Variants in RPS6KA6 observed in about 807,000 individuals in gnomAD.
RPS6KA6 encodes the protein ribosomal protein S6 kinase alpha-6.
A neutral mutation model predicts 65.4 loss-of-function variants in RPS6KA6; 27 were observed. That is an observed-to-expected ratio of 0.41 (90% CI 0.30 to 0.57). The LOEUF is 0.57. RPS6KA6 is among the 20% of genes least tolerant of loss of function. The pLI is 0.24. For missense variants in RPS6KA6, 486 were observed against 555.6 expected (o/e 0.87, Z 1.26); for synonymous variants, 190 against 184.2 (o/e 1.03, Z -0.26).
At chrX:84,145,596 A>G in intron 5 of RPS6KA6, 39 bp from the exon 6 acceptor site, 1 of 758,200 alleles carries the variant, frequency 1.3e-6, no homozygotes, top group Non-Finnish European at 1.9e-6. Context: ...GATAATCTCA[A>G]AGGCTTAAAA....
intron 6 of RPS6KA6, among the ~76,000 whole-genome samples, chrX:84,139,508 G>A (rs777533442): frequency 9.0e-6 from 1 of 111,641 alleles, no homozygotes; most frequent in African/African-American, 3.3e-5. Flanking sequence ...TACACTGGAG[G>A]TAGACAGATA....
At position 84,164,316 on chromosome X, in the gene RPS6KA6, A is replaced by T; in HGVS notation, c.141+12T>A. The T allele has an allele frequency of 8.6e-7, 1 of 1,158,364 alleles. No homozygotes were observed. The highest frequency in any genetic ancestry group is 1.2e-6 in the Non-Finnish European group (1 of 849,078). On this transcript the variant is annotated intron_variant, in intron 2 of 21. Coordinates refer to ENST00000262752, the MANE Select transcript of RPS6KA6 (RefSeq NM_014496.5). ...TAAAAATGTGGCTTAATAAATTAAC[A>T]TAAATACTTACATGACAAGAATCTG... is the stretch of plus-strand genomic sequence containing the variant.
At chrX:84,087,892 T>C (rs895559579) in intron 20 of RPS6KA6, among the ~76,000 whole-genome samples, 3 of 112,258 alleles carry the variant, frequency 2.7e-5, no homozygotes, top group African/African-American at 9.7e-5. Flanking sequence ...CCTGTCTTAT[T>C]TCAGAAAGAT....
rs1025880103 is a variant in RPS6KA6, at chrX:84,066,403, C to T, written c.1972-1292G>A. 4.7e-5 allele frequency among the ~76,000 whole-genome samples: 5 copies of T among 105,869 alleles called. 1 individual carries two copies. In the Admixed American group the frequency reaches 5.2e-4, roughly 11 times the overall value. 91.9% of individuals were successfully genotyped at this position (105,869 alleles called of 115,157 possible). A position where few individuals can be genotyped will look rare whatever the true frequency, so the allele number is the denominator to read the frequency against. On this transcript the variant is annotated intron_variant, in intron 20 of 21. Coordinates refer to ENST00000262752, the MANE Select transcript of RPS6KA6 (RefSeq NM_014496.5). The stretch of plus-strand genomic sequence containing the variant: ...AACACAGCAGTCTGAAGTCAAACTG[C>T]GACAACTGAACTTGGTGGCGGCGGG...
Position 84,107,032 on chromosome X carries a change from C to A in RPS6KA6, c.1120G>T (p.Gly374Cys), listed in dbSNP as rs1288271564. 8.4e-7 allele frequency: 1 copy of A among 1,192,716 alleles called. No homozygotes were observed. The highest frequency in any genetic ancestry group is 2.3e-5 in the Admixed American group (1 of 43,818). Residue 374 changes from glycine (G) to cysteine (C), a missense_variant, in exon 14 of 22, where the codon GGT becomes TGT. By Grantham distance (159) the Gly-to-Cys change is radical. This residue lies in a region of RPS6KA6 where 345 missense variants were observed against 375.0 expected (regional missense o/e 0.92). Transcript: ENST00000262752. The stretch of plus-strand genomic sequence containing the variant: ...TGAGCATTTGCACTGGCTGGCAAAC[C>A]GGGAGAATCTAATGTCCAAATAATT... The part of the protein sequence containing the change: ...FTAKTPKDSP[G>C]LPASANAHQL...
intron 8 of RPS6KA6, among the ~76,000 whole-genome samples, chrX:84,131,301 T>C (rs773915835): frequency 2.7e-5 from 3 of 112,715 alleles, no homozygotes; most frequent in South Asian, 3.6e-4. Flanking sequence ...CCCTCAAAAC[T>C]GATTTTCTAA....
At position 84,180,963 on chromosome X, in the gene RPS6KA6, T is replaced by C. The variant is rs375553711; in HGVS notation, c.81+6856A>G. ...TGTCTTACCAAGATGTTTTGAAGAATGAATAAAACTGAGATAATCTATGAT... is the reference window on the plus strand; with the variant it reads ...TGTCTTACCAAGATGTTTTGAAGAACGAATAAAACTGAGATAATCTATGAT... On this transcript the variant is annotated intron_variant, in intron 1 of 21. Transcript: ENST00000262752. Among the ~76,000 whole-genome samples the C allele has an allele frequency of 5.4e-5, 6 of 112,032 alleles. No individual in the cohort carries two copies. In the East Asian group the frequency reaches 1.7e-3, roughly 31 times the overall value.
chrX:84,125,430 A>T (rs2034763520), intron 8 of RPS6KA6, among the ~76,000 whole-genome samples: 1 of 111,990 alleles, frequency 8.9e-6, no homozygotes, highest in Non-Finnish European at 1.9e-5. Context: ...TGTTTTTATC[A>T]GGTTTTTTTG....
chrX:84,059,091 C>CT lies in RPS6KA6; in HGVS notation c.*5185dup, dbSNP rs1346745611. The CT allele has an allele frequency of 1.8e-5, 1 of 54,865 alleles. No homozygotes were observed. Among genetic ancestry groups the CT allele is most frequent in the Non-Finnish European group, 3.5e-5 (1 of 28,398 alleles). 4.5% of individuals were successfully genotyped at this position (54,865 alleles called of 1,213,427 possible). On this transcript the variant is annotated 3_prime_UTR_variant, in exon 22 of 22. Coordinates refer to ENST00000262752, the MANE Select transcript of RPS6KA6 (RefSeq NM_014496.5). The stretch of plus-strand genomic sequence containing the variant: ...TGGATATTTAAGGTTTAATGTGTAA[C>CT]TTTTTAAATGGCTGTTTCTTTTCTT...
chrX:84,065,615 T>G (rs999611011), intron 20 of RPS6KA6, among the ~76,000 whole-genome samples: 8 of 112,010 alleles, frequency 7.1e-5, no homozygotes, highest in Admixed American at 9.5e-5. Flanking sequence ...ATCATAGTAG[T>G]CCCCAGTGCA....
At chrX:84,150,830 G>T (rs770569702) in intron 3 of RPS6KA6, among the ~76,000 whole-genome samples, 345 of 93,477 alleles carry the variant, frequency 3.7e-3, no homozygotes, top group African/African-American at 0.014. Flanking sequence ...TATATATATA[G>T]AGAGGATATA....
At chrX:84,150,949 T>TAG (rs2035299623) in intron 3 of RPS6KA6, among the ~76,000 whole-genome samples, 1 of 94,919 alleles carries the variant, frequency 1.1e-5, no homozygotes, top group Non-Finnish European at 2.1e-5. Flanking sequence ...AGGATATATA[T>TAG]AGGATATATA....
In RPS6KA6 at chrX:84,064,268, C is replaced by G. The variant is rs1226267407; in HGVS notation, c.*9G>C. On this transcript the variant is annotated 3_prime_UTR_variant, in exon 22 of 22. Transcript: ENST00000262752. ...CTTCATCCAGTTTGGCCTAGGAACA[C>G]CACAAATCTTACAGGCCAGTTGATG... 8.3e-7 allele frequency: 1 copy of G among 1,206,302 alleles called. No individual in the cohort carries two copies. The highest frequency in any genetic ancestry group is 1.8e-5 in the South Asian group (1 of 55,680).
chrX:84,096,043 TTGTACAC>T, intron 20 of RPS6KA6, 144 bp downstream of exon 20: 1 of 442,430 alleles, frequency 2.3e-6, no homozygotes, highest in East Asian at 4.1e-5. Context: ...AAGTTATCCT[TTGTACAC>T]TGTTCAATTC....
chrX:84,144,280 T>C (rs989420161), intron 6 of RPS6KA6, among the ~76,000 whole-genome samples: 1 of 110,567 alleles, frequency 9.0e-6, no homozygotes, highest in African/African-American at 3.3e-5. Flanking sequence ...AAATAACATA[T>C]ATGATCAAGG....
chrX:84,094,301 T>A (rs1474152192), intron 20 of RPS6KA6, among the ~76,000 whole-genome samples: 1 of 56,344 alleles, frequency 1.8e-5, no homozygotes, highest in East Asian at 5.9e-4. Flanking sequence ...GCTAACTGCC[T>A]TAAAGGGAAA....
At chrX:84,107,100 G>T (rs775504242) in intron 13 of RPS6KA6, 60 bp from the exon 14 acceptor site, 4 of 976,960 alleles carry the variant, frequency 4.1e-6, no homozygotes, top group Admixed American at 3.2e-5. Flanking sequence ...GATATAAAGT[G>T]TCAGAATTTC....
chrX:84,114,297 A>C (rs1396332813), intron 12 of RPS6KA6, among the ~76,000 whole-genome samples: 1 of 110,427 alleles, frequency 9.1e-6, no homozygotes, highest in Non-Finnish European at 1.9e-5. Flanking sequence ...AGACCATCCT[A>C]GTCAACATAC....
chrX:84,153,039 A>G (rs775296393), intron 3 of RPS6KA6, among the ~76,000 whole-genome samples: 7 of 111,438 alleles, frequency 6.3e-5, no homozygotes, highest in Admixed American at 1.9e-4. Context: ...ATTTTCCTAT[A>G]AGAATATTCA....
Sources: allele counts gnomAD v4.1 joint callset (sites outside exome capture counted in the v4.1 genomes callset), GRCh38; gene constraint gnomAD v4.1.1; regional missense constraint gnomAD v4.1.1; transcripts MANE v1.5; gene names NCBI Gene and HGNC (gene_info 2026-07-23, HGNC 2026-07-21).